The following RUFY3 variants were observed in gnomAD, a reference collection of about 807,000 sequenced individuals.
RUFY3 encodes RUN and FYVE domain containing 3.
RUFY3 carries 34 observed loss-of-function variants against 84.0 expected under a neutral mutation model. That is an observed-to-expected ratio of 0.40 (90% CI 0.31 to 0.54). The LOEUF (loss-of-function observed/expected upper bound fraction) is 0.54, where lower values mean the gene tolerates loss of function less well. Ranked by LOEUF, RUFY3 falls within the 20% of genes least tolerant of loss-of-function variation. The probability of loss-of-function intolerance (pLI) is 0.39; values close to 1 mark genes in which losing one functional copy is unlikely to be tolerated. For synonymous variants in RUFY3, 242 were observed against 252.9 expected, an observed-to-expected ratio of 0.96 and a Z score of 0.41; for missense variants, 507 against 736.8, an observed-to-expected ratio of 0.69 and a Z score of 3.61.
rs766227141 is a variant in RUFY3, at chr4:70,774,670, T to TATATATATATATAA, written c.759-497_759-496insTATATATATATAAA. Reference sequence around the variant, plus strand: ...ATATATATATATATATATATATATATAAAATAAACATTCAATCTTCGTGAA... The same window carrying TATATATATATATAA: ...ATATATATATATATATATATATATATATATATATATATAAAAAATAAACATTCAATCTTCGTGAA... On this transcript the variant is annotated intron_variant, in intron 6 of 17. Transcript: ENST00000381006. Among the ~76,000 whole-genome samples the TATATATATATATAA allele has an allele frequency of 5.2e-4, 42 of 81,048 alleles. 2 individuals are homozygous for TATATATATATATAA. In the East Asian group the frequency reaches 8.0e-3, roughly 15 times the overall value. 53.2% of individuals were successfully genotyped at this position (81,048 alleles called of 152,430 possible). A position where few individuals can be genotyped will look rare whatever the true frequency, so the allele number is the denominator to read the frequency against.
upstream of RUFY3, chr4:70,704,752 C>T: frequency 2.7e-6 from 1 of 373,998 alleles, no homozygotes; most frequent in South Asian, 1.2e-4. Flanking sequence ...TGGCTTGGAC[C>T]CTGGCGGGGC....
chr4:70,722,021 T>G lies in RUFY3; in HGVS notation c.-553T>G. 4 of 1,232,214 alleles carry G rather than the reference T, an allele frequency of 3.2e-6. No individual in the cohort carries two copies. Among genetic ancestry groups the G allele is most frequent in the Non-Finnish European group, 4.0e-6 (4 of 987,982 alleles). The allele number at this position is 1,232,214 out of a possible 1,614,324, so 76.3% of individuals were successfully genotyped here. ...TGCTTACTGCGCACGGCCAATCCTA[T>G]GAGAACTCAGCATCCCAGCTCATCT... On this transcript the variant is annotated 5_prime_UTR_variant, in exon 1 of 18. An upstream start codon of the reference 5' UTR is lost. Coordinates refer to ENST00000381006, the MANE Select transcript of RUFY3 (RefSeq NM_001037442.4).
intron 1 of RUFY3, among the ~76,000 whole-genome samples, chr4:70,743,493 C>G (rs1250501850): frequency 1.3e-5 from 2 of 152,046 alleles, no homozygotes; most frequent in Non-Finnish European, 2.9e-5. Flanking sequence ...AGAACTTTAC[C>G]ATGACTCATC....
At chr4:70,794,001 T>C (rs1731201464) in intron 13 of RUFY3, 97 bp downstream of exon 13, 2 of 1,381,106 alleles carry the variant, frequency 1.4e-6, no homozygotes, top group Non-Finnish European at 2.0e-6. Flanking sequence ...CCAGGTTGGC[T>C]CTGTCTTTGC....
intron 1 of RUFY3, chr4:70,741,702 T>G: frequency 6.9e-7 from 1 of 1,448,314 alleles, no homozygotes; most frequent in African/African-American, 1.5e-5. Flanking sequence ...ACCAACATCT[T>G]TCAGCTTTTT....
intron 3 of RUFY3, 131 bp from the exon 4 acceptor site, chr4:70,764,344 A>G: frequency 1.6e-6 from 1 of 619,100 alleles, no homozygotes; most frequent in Non-Finnish European, 2.9e-6. Context: ...GTACTGGGAG[A>G]GGTCCTGAGG....
At chr4:70,736,457 C>T (rs1720314113) in intron 1 of RUFY3, among the ~76,000 whole-genome samples, 1 of 152,196 alleles carries the variant, frequency 6.6e-6, no homozygotes, top group Non-Finnish European at 1.5e-5. Flanking sequence ...CATACCACAC[C>T]TGTGCTGTGT....
At chr4:70,727,244 A>G (rs531609870) in intron 1 of RUFY3, among the ~76,000 whole-genome samples, 37 of 145,446 alleles carry the variant, frequency 2.5e-4, no homozygotes, top group African/African-American at 9.9e-4. Context: ...GAAGTGGTAT[A>G]TTTTATTTTT....
intron 1 of RUFY3, among the ~76,000 whole-genome samples, chr4:70,726,263 A>G (rs774113996): frequency 2.6e-5 from 4 of 152,204 alleles, no homozygotes; most frequent in Non-Finnish European, 5.9e-5. Context: ...TTCTGGCTGC[A>G]GAAGCTAGGT....
intron 1 of RUFY3, among the ~76,000 whole-genome samples, chr4:70,729,817 A>G (rs1276213962): frequency 6.6e-6 from 1 of 152,190 alleles, no homozygotes; most frequent in Non-Finnish European, 1.5e-5. Context: ...GAACATTAGT[A>G]GTAGCTTAAA....
At chr4:70,710,115 A>G (rs1158750271) in intron 1 of RUFY3, among the ~76,000 whole-genome samples, 1 of 152,224 alleles carries the variant, frequency 6.6e-6, no homozygotes. Flanking sequence ...TGAAAAATCC[A>G]TTGTATGGGG....
At position 70,727,020 on chromosome 4, in the gene RUFY3, G is replaced by A. The variant is rs867618268; in HGVS notation, c.178+4269G>A. ...TGTTTGTTTGTTTTACTTTGTGAAAGCGTAGTGGGATTTCTTTCCTTTTTT... is the reference window on the plus strand; with the variant it reads ...TGTTTGTTTGTTTTACTTTGTGAAAACGTAGTGGGATTTCTTTCCTTTTTT... On this transcript the variant is annotated intron_variant, in intron 1 of 17. Transcript: ENST00000381006. Among the ~76,000 whole-genome samples, 80 of 149,606 alleles carry A rather than the reference G, an allele frequency of 5.3e-4. 1 individual carries two copies. The highest frequency in any genetic ancestry group is 1.5e-3 in the South Asian group (7 of 4,730).
At chr4:70,765,963 G>T (rs1014196662) in intron 4 of RUFY3, among the ~76,000 whole-genome samples, 3 of 151,640 alleles carry the variant, frequency 2.0e-5, no homozygotes, top group Non-Finnish European at 2.9e-5. Context: ...GGGTTTCACC[G>T]TGTTGGCCAG....
At chr4:70,744,870 G>A (rs985250915) in intron 1 of RUFY3, among the ~76,000 whole-genome samples, 1 of 151,872 alleles carries the variant, frequency 6.6e-6, no homozygotes, top group Non-Finnish European at 1.5e-5. Flanking sequence ...GGCTAGGCTG[G>A]TCTCGAACTC....
At chr4:70,777,169 T>A (rs1728109006) in intron 7 of RUFY3, among the ~76,000 whole-genome samples, 1 of 152,220 alleles carries the variant, frequency 6.6e-6, no homozygotes, top group Admixed American at 6.5e-5. Flanking sequence ...GGGAGAACAG[T>A]ATCTTATTGT....
At chr4:70,802,816 T>C (rs1299694320) in intron 15 of RUFY3, 140 bp from the exon 16 acceptor site, 1 of 533,938 alleles carries the variant, frequency 1.9e-6, no homozygotes, top group East Asian at 3.1e-5. Flanking sequence ...TTAATAATTA[T>C]GTTGTTCTAA....
chr4:70,740,165 A>G (rs992075456), intron 1 of RUFY3, among the ~76,000 whole-genome samples: 5 of 152,154 alleles, frequency 3.3e-5, no homozygotes, highest in Admixed American at 2.6e-4. Flanking sequence ...AAAGAATGGC[A>G]TGTTACCTAT....
intron 1 of RUFY3, among the ~76,000 whole-genome samples, chr4:70,716,878 A>G: frequency 6.6e-6 from 1 of 151,858 alleles, no homozygotes. Flanking sequence ...AAAAGAAAAA[A>G]TACGCATTGA....
At chr4:70,733,198 C>T (rs983075699) in intron 1 of RUFY3, among the ~76,000 whole-genome samples, 2 of 150,946 alleles carry the variant, frequency 1.3e-5, no homozygotes, top group African/African-American at 4.9e-5. Context: ...TTTTGTCTTC[C>T]TCCATTACAC....
Sources: gnomAD v4.1 joint callset for allele counts (sites outside exome capture counted in the v4.1 genomes callset) on GRCh38, gnomAD v4.1.1 for gene constraint, MANE v1.5 for transcripts, NCBI Gene and HGNC (gene_info 2026-07-23, HGNC 2026-07-21) for gene names.